PLEKHD1: variants seen among roughly 807,000 people sequenced by gnomAD.
The protein encoded by PLEKHD1 is pleckstrin homology domain-containing family D member 1.
PLEKHD1 carries 51 observed loss-of-function variants against 69.2 expected under a neutral mutation model. The observed-to-expected ratio is 0.74, with a 90% CI of 0.59 to 0.93. The LOEUF is 0.93. Among genes scored for constraint, PLEKHD1 ranks in the 40% least tolerant of loss-of-function variants. PLEKHD1 has a pLI of 0.00. For missense variants in PLEKHD1, 584 were observed against 641.0 expected, an observed-to-expected ratio of 0.91 and a Z score of 0.96; for synonymous variants, 236 against 244.7, an observed-to-expected ratio of 0.96 and a Z score of 0.33.
the PLEKHD1 span, among the ~76,000 whole-genome samples, chr14:69,474,426 A>G: frequency 6.6e-6 from 1 of 152,132 alleles, no homozygotes; most frequent in Non-Finnish European, 1.5e-5. Flanking sequence ...CTAACTCCGA[A>G]TTTTTAGACA....
intron 1 of PLEKHD1, among the ~76,000 whole-genome samples, chr14:69,490,504 G>A (rs1882754420): frequency 6.6e-6 from 1 of 152,192 alleles, no homozygotes. Flanking sequence ...CTGGTCCAGG[G>A]CCCAGGGGTT....
the PLEKHD1 span, among the ~76,000 whole-genome samples, chr14:69,467,769 A>G: frequency 6.6e-6 from 1 of 152,006 alleles, no homozygotes; most frequent in African/African-American, 2.4e-5. Context: ...CTCTGTCTCA[A>G]AAAAAAAGGT....
At chr14:69,526,644 G>A in intron 9 of PLEKHD1, 53 bp from the exon 10 acceptor site, 2 of 1,442,010 alleles carry the variant, frequency 1.4e-6, no homozygotes, top group Non-Finnish European at 1.8e-6. Context: ...CCATCCATTG[G>A]CAATCCCATT....
Position 69,500,103 on chromosome 14 carries a change from C to T in PLEKHD1, c.150-12C>T, listed in dbSNP as rs557325743. The T allele has an allele frequency of 1.1e-5, 17 of 1,534,744 alleles. No individual in the cohort carries two copies. Among genetic ancestry groups the T allele is most frequent in the African/African-American group, 6.9e-5 (5 of 72,556 alleles). The stretch of plus-strand genomic sequence containing the variant: ...CTCCTGGTTGCTTTTCCTTCCCCAC[C>T]GCCCACTATAGGTTTTTCATCATCA... On this transcript the variant is annotated splice_polypyrimidine_tract_variant and intron_variant, in intron 1 of 12. Coordinates refer to ENST00000322564, the MANE Select transcript of PLEKHD1 (RefSeq NM_001161498.2).
intron 8 of PLEKHD1, 62 bp downstream of exon 8, chr14:69,524,384 ACT>A: frequency 7.2e-7 from 1 of 1,392,468 alleles, no homozygotes; most frequent in South Asian, 1.2e-5. Context: ...ACCACATGAC[ACT>A]GTTTTTTCCA....
chr14:69,530,025 T>C lies in PLEKHD1; in HGVS notation c.*1606T>C, dbSNP rs534892787. On this transcript the variant is annotated 3_prime_UTR_variant, in exon 13 of 13. Coordinates refer to ENST00000322564, the MANE Select transcript of PLEKHD1 (RefSeq NM_001161498.2). Reference sequence around the variant, plus strand: ...AGGGTGCTCTTGGACACTGTTGACATTAAAGGTGCTCATTCTTTGCTGCTT... The same window carrying C: ...AGGGTGCTCTTGGACACTGTTGACACTAAAGGTGCTCATTCTTTGCTGCTT... 6.6e-6 allele frequency: 1 copy of C among 152,370 alleles called. No homozygotes were observed. The highest frequency in any genetic ancestry group is 2.4e-5 in the African/African-American group (1 of 41,588). 9.4% of individuals were successfully genotyped at this position (152,370 alleles called of 1,614,324 possible). A position where few individuals can be genotyped will look rare whatever the true frequency, so the allele number is the denominator to read the frequency against.
chr14:69,479,588 C>T, the PLEKHD1 span, among the ~76,000 whole-genome samples: 1 of 152,078 alleles, frequency 6.6e-6, no homozygotes, highest in Admixed American at 6.5e-5. Context: ...AGGAGGATCG[C>T]TTGAGCCTAG....
intron 6 of PLEKHD1, among the ~76,000 whole-genome samples, chr14:69,517,225 T>G (rs1032990140): frequency 5.9e-5 from 9 of 152,042 alleles, no homozygotes; most frequent in Admixed American, 6.6e-5. Flanking sequence ...ATCCCAAGTT[T>G]CTCACCTGCA....
upstream of PLEKHD1, among the ~76,000 whole-genome samples, chr14:69,480,013 C>A (rs1367586369): frequency 6.6e-6 from 1 of 152,190 alleles, no homozygotes; most frequent in Non-Finnish European, 1.5e-5. Context: ...GAGCACCCAC[C>A]ACATGCCCTG....
the PLEKHD1 span, among the ~76,000 whole-genome samples, chr14:69,476,393 T>C: frequency 6.6e-6 from 1 of 151,662 alleles, no homozygotes; most frequent in Admixed American, 6.6e-5. Flanking sequence ...CTAGGCCCTA[T>C]TTCAAAAAAA....
chr14:69,501,651 C>G, intron 4 of PLEKHD1, 83 bp from the exon 5 acceptor site: 1 of 1,088,308 alleles, frequency 9.2e-7, no homozygotes, highest in Non-Finnish European at 1.3e-6. Flanking sequence ...CGTATGCCTT[C>G]TCTTTCCCCT....
chr14:69,526,161 G>T, intron 9 of PLEKHD1, 39 bp downstream of exon 9: 2 of 1,504,644 alleles, frequency 1.3e-6, no homozygotes, highest in South Asian at 1.3e-5. Context: ...CATTGACTTT[G>T]GGGTCTGGGG....
intron 6 of PLEKHD1, among the ~76,000 whole-genome samples, chr14:69,506,871 C>G (rs1883161842): frequency 6.9e-6 from 1 of 144,844 alleles, no homozygotes; most frequent in Non-Finnish European, 1.5e-5. Flanking sequence ...ATTTCACTGT[C>G]CTAAAAATCC....
At chr14:69,526,871 T>C in intron 10 of PLEKHD1, 42 bp downstream of exon 10, 1 of 1,488,760 alleles carries the variant, frequency 6.7e-7, no homozygotes, top group Non-Finnish European at 9.0e-7. Context: ...TCCCCTTCCC[T>C]GGAGACTCCC....
chr14:69,522,157 G>A (rs1446161654), intron 6 of PLEKHD1, 126 bp from the exon 7 acceptor site: 1 of 829,770 alleles, frequency 1.2e-6, no homozygotes, highest in South Asian at 1.8e-5. Flanking sequence ...TTAATTCCCG[G>A]TCTGGTGCAG....
At chr14:69,521,234 C>T (rs1443744906) in intron 6 of PLEKHD1, among the ~76,000 whole-genome samples, 1 of 152,186 alleles carries the variant, frequency 6.6e-6, no homozygotes, top group Non-Finnish European at 1.5e-5. Flanking sequence ...ACCAGTGATC[C>T]ATGCCCAAAG....
Position 69,500,098 on chromosome 14 carries a change from C to T in PLEKHD1, c.150-17C>T. On this transcript the variant is annotated splice_polypyrimidine_tract_variant and intron_variant, in intron 1 of 12. Coordinates refer to ENST00000322564, the MANE Select transcript of PLEKHD1 (RefSeq NM_001161498.2). ...CTTCTCTCCTGGTTGCTTTTCCTTC[C>T]CCACCGCCCACTATAGGTTTTTCAT... 6.5e-7 allele frequency: 1 copy of T among 1,529,358 alleles called. No homozygotes were observed. Among genetic ancestry groups the T allele is most frequent in the Non-Finnish European group, 8.9e-7 (1 of 1,127,362 alleles). The allele number at this position is 1,529,358 out of a possible 1,614,324, so 94.7% of individuals were successfully genotyped here.
In PLEKHD1 at chr14:69,528,356, C is replaced by T; in HGVS notation, c.1458C>T (p.Ser486=). 6.4e-7 allele frequency: 1 copy of T among 1,551,676 alleles called. No individual in the cohort carries two copies. Among genetic ancestry groups the T allele is most frequent in the Non-Finnish European group, 8.7e-7 (1 of 1,146,986 alleles). The part of the protein sequence containing the change: ...RLSRDQRFRE[S]IYHIMATQPG... The stretch of plus-strand genomic sequence containing the variant: ...GCAGGGACCAGCGCTTCCGGGAATC[C>T]ATCTACCACATCATGGCCACCCAGC... The change falls in exon 13 of 13, where the codon TCC becomes TCT. Residue 486 remains serine, a synonymous_variant. Coordinates refer to ENST00000322564, the MANE Select transcript of PLEKHD1 (RefSeq NM_001161498.2).
the PLEKHD1 span, among the ~76,000 whole-genome samples, chr14:69,475,420 G>A: frequency 3.9e-5 from 6 of 152,196 alleles, no homozygotes; most frequent in African/African-American, 9.6e-5. Flanking sequence ...ATGTTAGTGC[G>A]GTAGAGTAGC....
Sources: gnomAD v4.1 joint callset for allele counts (sites outside exome capture counted in the v4.1 genomes callset) on GRCh38, gnomAD v4.1.1 for gene constraint, MANE v1.5 for transcripts, NCBI Gene and HGNC (gene_info 2026-07-23, HGNC 2026-07-21) for gene names.